The following TMEM163 variants were observed in gnomAD, a reference collection of about 807,000 sequenced individuals.
TMEM163 encodes transmembrane protein 163.
In TMEM163, 17 loss-of-function variants were observed where a neutral mutation model predicts 29.3. The observed-to-expected ratio is 0.58, with a 90% CI of 0.40 to 0.87. The LOEUF (loss-of-function observed/expected upper bound fraction) is 0.87. Among genes scored for constraint, TMEM163 ranks in the 40% least tolerant of loss-of-function variants. The probability of loss-of-function intolerance (pLI) is 0.00; values close to 1 mark genes in which losing one functional copy is unlikely to be tolerated. For missense variants in TMEM163, 303 were observed against 381.5 expected (o/e 0.79, Z 1.71); for synonymous variants, 157 against 160.6 (o/e 0.98, Z 0.17).
intron 4 of TMEM163, among the ~76,000 whole-genome samples, chr2:134,533,680 C>T (rs990177311): frequency 2.0e-5 from 3 of 152,110 alleles, no homozygotes; most frequent in African/African-American, 7.2e-5. Context: ...ATAAGCAGAT[C>T]ACATCACCCC....
chr2:134,671,361 T>C (rs572829570), intron 2 of TMEM163, among the ~76,000 whole-genome samples: 2 of 151,864 alleles, frequency 1.3e-5, no homozygotes, highest in East Asian at 3.9e-4. Flanking sequence ...TAGTCCAGGA[T>C]CACTTGCTAC....
chr2:134,716,138 C>G (rs1685033310), intron 1 of TMEM163, among the ~76,000 whole-genome samples: 1 of 152,110 alleles, frequency 6.6e-6, no homozygotes, highest in African/African-American at 2.4e-5. Context: ...ATATAATTAC[C>G]TAAGGCTAAG....
chr2:134,503,914 G>T (rs926845335), intron 4 of TMEM163, among the ~76,000 whole-genome samples: 2 of 152,100 alleles, frequency 1.3e-5, no homozygotes, highest in African/African-American at 4.8e-5. Flanking sequence ...ATGAGGAAAT[G>T]ATACCATTAC....
At chr2:134,464,605 A>C (rs1015001600) in intron 6 of TMEM163, among the ~76,000 whole-genome samples, 2 of 152,030 alleles carry the variant, frequency 1.3e-5, no homozygotes, top group African/African-American at 4.8e-5. Context: ...ATGGGTGAAA[A>C]GCTGGGGGCG....
intron 2 of TMEM163, among the ~76,000 whole-genome samples, chr2:134,706,181 A>G (rs551936499): frequency 1.4e-3 from 212 of 152,278 alleles, no homozygotes; most frequent in Non-Finnish European, 1.9e-3. Context: ...GGATGCTTCA[A>G]TCGGGGGTTA....
chr2:134,545,301 T>C (rs1456738731), intron 4 of TMEM163, among the ~76,000 whole-genome samples: 2 of 152,116 alleles, frequency 1.3e-5, no homozygotes, highest in East Asian at 3.9e-4. Flanking sequence ...ACTCTCATCC[T>C]ACCCTCCCAG....
Position 134,589,597 on chromosome 2 carries a change from G to C in TMEM163, c.323-37506C>G, listed in dbSNP as rs982058976. On this transcript the variant is annotated intron_variant, in intron 2 of 7. Transcript: ENST00000281924. The stretch of plus-strand genomic sequence containing the variant: ...AGTTACCCTATAAGGTCTAAAAAGA[G>C]GAGGAACCCTCAGTTCTGGGAATTG... Among the ~76,000 whole-genome samples the C allele has an allele frequency of 5.9e-5, 9 of 152,196 alleles. No individual in the cohort carries two copies. The East Asian group carries it at 1.7e-3, about 29-fold the overall frequency.
chr2:134,670,893 G>A (rs1307444468), intron 2 of TMEM163, among the ~76,000 whole-genome samples: 1 of 152,214 alleles, frequency 6.6e-6, no homozygotes, highest in African/African-American at 2.4e-5. Flanking sequence ...TAAACAAAAT[G>A]TCAGCTTGTG....
rs1001168159 is a variant in TMEM163, at chr2:134,462,259, C to T, written c.667+3855G>A. ...TCCCATACCCTCTCCTTCACCCTAT[C>T]CGAGCTGCCATCCCCTCCACTCCCC... is the stretch of plus-strand genomic sequence containing the variant. On this transcript the variant is annotated intron_variant, in intron 6 of 7. Transcript: ENST00000281924. 3.3e-5 allele frequency among the ~76,000 whole-genome samples: 5 copies of T among 152,124 alleles called. No individual in the cohort carries two copies. In the East Asian group the frequency reaches 5.8e-4, roughly 18 times the overall value.
At chr2:134,611,267 A>G (rs1364103967) in intron 2 of TMEM163, among the ~76,000 whole-genome samples, 1 of 152,196 alleles carries the variant, frequency 6.6e-6, no homozygotes, top group Admixed American at 6.5e-5. Flanking sequence ...TCATTCAACA[A>G]TGAATAGATA....
intron 6 of TMEM163, among the ~76,000 whole-genome samples, chr2:134,463,258 T>C (rs1319838619): frequency 1.3e-5 from 2 of 151,788 alleles, no homozygotes; most frequent in Non-Finnish European, 2.9e-5. Context: ...CAGCTGGAGG[T>C]CCCAACCCAA....
chr2:134,686,676 A>G (rs1044031424), intron 2 of TMEM163, among the ~76,000 whole-genome samples: 6 of 152,224 alleles, frequency 3.9e-5, no homozygotes, highest in African/African-American at 1.4e-4. Context: ...AAATTTAACC[A>G]AAGATTGTAA....
intron 2 of TMEM163, among the ~76,000 whole-genome samples, chr2:134,699,697 A>T (rs1343200963): frequency 1.3e-5 from 2 of 152,154 alleles, no homozygotes; most frequent in African/African-American, 4.8e-5. Flanking sequence ...TCTATCAACT[A>T]GTAAAAGAGG....
At chr2:134,560,072 G>C (rs1345359556) in intron 2 of TMEM163, among the ~76,000 whole-genome samples, 1 of 151,996 alleles carries the variant, frequency 6.6e-6, no homozygotes, top group Non-Finnish European at 1.5e-5. Context: ...CCAGAAACAA[G>C]CTTACTCCAG....
chr2:134,491,544 G>A (rs1200441288), intron 5 of TMEM163, among the ~76,000 whole-genome samples: 2 of 152,108 alleles, frequency 1.3e-5, no homozygotes, highest in East Asian at 1.9e-4. Flanking sequence ...GAGACACTCC[G>A]TGGACCAGAA....
intron 2 of TMEM163, among the ~76,000 whole-genome samples, chr2:134,685,787 C>A (rs542183598): frequency 6.6e-6 from 1 of 152,216 alleles, no homozygotes; most frequent in African/African-American, 2.4e-5. Context: ...GAAATGACCA[C>A]CTCATAGATT....
At chr2:134,528,187 G>A (rs1041232766) in intron 4 of TMEM163, among the ~76,000 whole-genome samples, 13 of 152,148 alleles carry the variant, frequency 8.5e-5, no homozygotes, top group Admixed American at 6.5e-4. Context: ...TAAAAAATCA[G>A]GGCAAACAGG....
chr2:134,676,596 T>C (rs1237275909), intron 2 of TMEM163, among the ~76,000 whole-genome samples: 1 of 152,162 alleles, frequency 6.6e-6, no homozygotes, highest in East Asian at 1.9e-4. Context: ...AGACTTAATT[T>C]TAGAACATTT....
chr2:134,473,666 AG>A (rs1423401661), intron 5 of TMEM163, among the ~76,000 whole-genome samples: 1 of 152,212 alleles, frequency 6.6e-6, no homozygotes, highest in Non-Finnish European at 1.5e-5. Flanking sequence ...TCTAGAAGAA[AG>A]AGGACACATG....
Sources: gnomAD v4.1 joint callset for allele counts (sites outside exome capture counted in the v4.1 genomes callset) on GRCh38, gnomAD v4.1.1 for gene constraint, MANE v1.5 for transcripts, NCBI Gene and HGNC (gene_info 2026-07-23, HGNC 2026-07-21) for gene names.